PLCG2: variants seen among roughly 807,000 people sequenced by gnomAD.
PLCG2 encodes the protein 1-phosphatidylinositol 4,5-bisphosphate phosphodiesterase gamma-2.
A neutral mutation model predicts 175.6 loss-of-function variants in PLCG2; 69 were observed. The observed-to-expected ratio is 0.39, with a 90% CI of 0.32 to 0.48. The LOEUF is 0.48. Ranked by LOEUF, PLCG2 falls within the 20% of genes least tolerant of loss-of-function variation. The probability of loss-of-function intolerance (pLI) is 0.91; values close to 1 mark genes in which losing one functional copy is unlikely to be tolerated. For synonymous variants in PLCG2, 827 were observed against 624.0 expected (o/e 1.33, Z -4.85); for missense variants, 1,798 against 1,650.9 (o/e 1.09, Z -1.54).
chr16:81,796,288 G>T (rs1470997211), intron 2 of PLCG2, among the ~76,000 whole-genome samples: 1 of 152,206 alleles, frequency 6.6e-6, no homozygotes, highest in African/African-American at 2.4e-5. Flanking sequence ...GGCTTTTTCT[G>T]TTGCTGCCAC....
At chr16:81,940,715 G>GAGAT (rs35028362) in intron 30 of PLCG2, among the ~76,000 whole-genome samples, 30,424 of 151,942 alleles carry the variant, frequency 0.2, 3,384 homozygotes, top group African/African-American at 0.31. Flanking sequence ...CTACACAGCT[G>GAGAT]AGATAGACAC....
intron 31 of PLCG2, among the ~76,000 whole-genome samples, chr16:81,956,385 T>C (rs939239763): frequency 1.3e-5 from 2 of 152,146 alleles, no homozygotes; most frequent in African/African-American, 4.8e-5. Flanking sequence ...GAAGGTGACA[T>C]GTAGACCAAA....
At chr16:81,774,572 T>C (rs1910358430), upstream of PLCG2, among the ~76,000 whole-genome samples, 1 of 151,788 alleles carries the variant, frequency 6.6e-6, no homozygotes, top group Non-Finnish European at 1.5e-5. Flanking sequence ...GAAAGGAAAC[T>C]AGACTCAAGG....
At chr16:81,783,365 T>C (rs970178503) in intron 1 of PLCG2, among the ~76,000 whole-genome samples, 4 of 152,232 alleles carry the variant, frequency 2.6e-5, no homozygotes, top group Non-Finnish European at 5.9e-5. Context: ...TGCAGGTTTG[T>C]TACATATATA....
chr16:81,940,079 A>G lies in PLCG2; in HGVS notation c.3481+20A>G. The G allele has an allele frequency of 1.3e-6, 2 of 1,591,228 alleles. No homozygotes were observed. Among genetic ancestry groups the G allele is most frequent in the South Asian group, 1.1e-5 (1 of 90,464 alleles). On this transcript the variant is annotated intron_variant, in intron 30 of 32. Transcript: ENST00000564138. ...AATCAGGTAAGAGGCATTTTAATTA[A>G]GATGTTCGATTTGGGCTGGCGTTGT...
intron 2 of PLCG2, among the ~76,000 whole-genome samples, chr16:81,772,577 A>G (rs1325071996): frequency 6.6e-6 from 1 of 150,608 alleles, no homozygotes; most frequent in Non-Finnish European, 1.5e-5. Flanking sequence ...TGGGAGGCCG[A>G]GGTGGGTGGA....
chr16:81,934,509 C>T lies in PLCG2; in HGVS notation c.2820C>T (p.Thr940=), dbSNP rs773500611. 1 of 1,611,034 alleles carries T rather than the reference C, an allele frequency of 6.2e-7. No homozygotes were observed. Reference sequence around the variant, plus strand: ...ACCTGGTTGTCTACTGCAAACCAACCAGCAAAACCAAGGACAACTTAGGTA... The same window carrying T: ...ACCTGGTTGTCTACTGCAAACCAACTAGCAAAACCAAGGACAACTTAGGTA... The part of the protein sequence containing the change: ...LSDLVVYCKP[T]SKTKDNLENP... Residue 940 remains threonine, a synonymous_variant, in exon 26 of 33, where the codon ACC becomes ACT. Coordinates refer to ENST00000564138, the MANE Select transcript of PLCG2 (RefSeq NM_002661.5).
At chr16:81,949,827 C>T (rs1196376579) in intron 31 of PLCG2, among the ~76,000 whole-genome samples, 3 of 152,150 alleles carry the variant, frequency 2.0e-5, no homozygotes, top group East Asian at 1.9e-4. Flanking sequence ...ATCAACAAAG[C>T]AAAGGCATGG....
In PLCG2 at chr16:81,882,034, C is replaced by G. The variant is rs1487332608; in HGVS notation, c.692+1081C>G. ...GAAAGGTTAGAATTGTACTCATAAT[C>G]AAAGACAACAGACTCCTGGACCCTG... On this transcript the variant is annotated intron_variant, in intron 8 of 32. Transcript: ENST00000564138. Among the ~76,000 whole-genome samples, 3 of 152,168 alleles carry G rather than the reference C, an allele frequency of 2.0e-5. 1 individual carries two copies. Among genetic ancestry groups the G allele is most frequent in the East Asian group, 1.9e-4 (1 of 5,196 alleles).
intron 28 of PLCG2, 22 bp downstream of exon 28, chr16:81,937,925 TGCCAGGGGA>T: frequency 6.2e-7 from 1 of 1,612,510 alleles, no homozygotes; most frequent in Non-Finnish European, 8.5e-7. Context: ...CCTCCCTTCC[TGCCAGGGGA>T]GCCAGCCGCC....
intron 3 of PLCG2, 110 bp from the exon 4 acceptor site, chr16:81,858,153 A>T: frequency 1.3e-6 from 1 of 791,486 alleles, no homozygotes; most frequent in Non-Finnish European, 2.2e-6. Flanking sequence ...GCAAAACTAG[A>T]AACCAGCATA....
chr16:81,757,630 A>G (rs1909956237), intron 2 of PLCG2, among the ~76,000 whole-genome samples: 1 of 152,100 alleles, frequency 6.6e-6, no homozygotes, highest in East Asian at 1.9e-4. Context: ...AGCACTTCCT[A>G]TTTTTTACAT....
At chr16:81,813,282 A>T (rs1002377773) in intron 2 of PLCG2, among the ~76,000 whole-genome samples, 1 of 152,196 alleles carries the variant, frequency 6.6e-6, no homozygotes, top group Non-Finnish European at 1.5e-5. Context: ...TTTTCACCAT[A>T]TTGATGCTTC....
rs941029598 is a variant in PLCG2 at position 81,958,857 on chromosome 16, T to C, written c.*859T>C. 70 of 220,278 alleles carry C rather than the reference T, an allele frequency of 3.2e-4. No individual in the cohort carries two copies. The highest frequency in any genetic ancestry group is 5.5e-4 in the Non-Finnish European group (61 of 109,930). The allele number at this position is 220,278 out of a possible 1,614,324, so 13.6% of individuals were successfully genotyped here. On this transcript the variant is annotated 3_prime_UTR_variant, in exon 33 of 33. Coordinates refer to ENST00000564138, the MANE Select transcript of PLCG2 (RefSeq NM_002661.5). ...CCACAGGCAAGAGGTCAACTGCTGC[T>C]TGAAAGAGGTAGACAAAAGTTAGGT...
chr16:81,795,836 A>G (rs1018981258), intron 2 of PLCG2, among the ~76,000 whole-genome samples: 3 of 152,208 alleles, frequency 2.0e-5, no homozygotes, highest in Non-Finnish European at 4.4e-5. Context: ...AAGAGCTGGG[A>G]TCACAGGCAT....
intron 2 of PLCG2, among the ~76,000 whole-genome samples, chr16:81,846,673 C>G (rs761965080): frequency 6.6e-6 from 1 of 152,134 alleles, no homozygotes; most frequent in African/African-American, 2.4e-5. Context: ...GATAGGAAGA[C>G]TCAATATTTT....
At chr16:81,795,867 C>T (rs1477166945) in intron 2 of PLCG2, among the ~76,000 whole-genome samples, 3 of 152,230 alleles carry the variant, frequency 2.0e-5, no homozygotes, top group Non-Finnish European at 4.4e-5. Context: ...GCCCGGCCCC[C>T]TCCCACCTTC....
intron 28 of PLCG2, chr16:81,938,532 G>T (rs1017605938): frequency 4.1e-6 from 2 of 488,520 alleles, no homozygotes; most frequent in African/African-American, 3.8e-5. Context: ...GGGCATGGAT[G>T]TGTGCATTCA....
rs534869556 is a variant in PLCG2, at chr16:81,921,337, C to T, written c.2307+68C>T. ...AGGCTGATGTGGATTCCATCTTGTTCCCATGGCAGTTATAACAGGGCAAGG... is the reference window on the plus strand; with the variant it reads ...AGGCTGATGTGGATTCCATCTTGTTTCCATGGCAGTTATAACAGGGCAAGG... On this transcript the variant is annotated intron_variant, in intron 21 of 32. Coordinates refer to ENST00000564138, the MANE Select transcript of PLCG2 (RefSeq NM_002661.5). 4.8e-6 allele frequency: 5 copies of T among 1,043,494 alleles called. No homozygotes were observed. In the South Asian group the frequency reaches 5.1e-5, roughly 11 times the overall value. The allele number at this position is 1,043,494 out of a possible 1,614,324, so 64.6% of individuals were successfully genotyped here. A position where few individuals can be genotyped will look rare whatever the true frequency, so the allele number is the denominator to read the frequency against.
Sources: allele counts gnomAD v4.1 joint callset (sites outside exome capture counted in the v4.1 genomes callset), GRCh38; gene constraint gnomAD v4.1.1; transcripts MANE v1.5; gene names NCBI Gene and HGNC (gene_info 2026-07-23, HGNC 2026-07-21).